STIM1: variants seen among roughly 807,000 people sequenced by gnomAD.
STIM1 encodes the protein stromal interaction molecule 1.
STIM1 carries 25 observed loss-of-function variants against 74.7 expected under a neutral mutation model. That is an observed-to-expected ratio of 0.33 (90% CI 0.24 to 0.47). The LOEUF (loss-of-function observed/expected upper bound fraction) is 0.47. Ranked by LOEUF, STIM1 falls within the 20% of genes least tolerant of loss-of-function variation. STIM1 has a pLI of 1.00. For synonymous variants in STIM1, 328 were observed against 348.8 expected (o/e 0.94, Z 0.66); for missense variants, 728 against 920.8 (o/e 0.79, Z 2.71).
intron 1 of STIM1, among the ~76,000 whole-genome samples, chr11:3,895,651 TTTC>T (rs2092058596): frequency 4.3e-4 from 5 of 11,734 alleles, no homozygotes; most frequent in South Asian, 0.015. Flanking sequence ...TCTTTCTTTC[TTTC>T]TTTCTTTCTT....
chr11:3,933,762 G>C (rs2092900280), intron 1 of STIM1, among the ~76,000 whole-genome samples: 1 of 152,188 alleles, frequency 6.6e-6, no homozygotes, highest in Non-Finnish European at 1.5e-5. Context: ...TATAATTGGA[G>C]TCATTTTTAA....
chr11:3,856,255 A>C lies in STIM1; in HGVS notation c.-16A>C. ...AGGTGTCCACATCAGACGCATGTTG[A>C]CTGAGACCTAGAGTCATGGATGTAT... On this transcript the variant is annotated 5_prime_UTR_variant, in exon 1 of 13. Coordinates refer to ENST00000526596, the MANE Select transcript of STIM1 (RefSeq NM_001382567.1). 6.2e-7 allele frequency: 1 copy of C among 1,613,914 alleles called. No homozygotes were observed. Among genetic ancestry groups the C allele is most frequent in the Non-Finnish European group, 8.5e-7 (1 of 1,180,004 alleles).
intron 10 of STIM1, 36 bp downstream of exon 10, chr11:4,083,534 C>G: frequency 6.3e-7 from 1 of 1,575,500 alleles, no homozygotes; most frequent in Non-Finnish European, 8.6e-7. Flanking sequence ...AGGAAGGAGC[C>G]TTTGATGTAC....
At chr11:4,080,240 T>C (rs770660752) in intron 7 of STIM1, among the ~76,000 whole-genome samples, 1 of 152,112 alleles carries the variant, frequency 6.6e-6, no homozygotes, top group South Asian at 2.1e-4. Flanking sequence ...AATGAGACCC[T>C]GTCTCAAAAT....
intron 1 of STIM1, among the ~76,000 whole-genome samples, chr11:3,865,261 A>G (rs1461116423): frequency 6.6e-6 from 1 of 152,230 alleles, no homozygotes; most frequent in Non-Finnish European, 1.5e-5. Context: ...TTTACATATC[A>G]GAAGAACAAA....
chr11:3,974,744 G>A (rs1035970722), intron 2 of STIM1, among the ~76,000 whole-genome samples: 2 of 152,000 alleles, frequency 1.3e-5, no homozygotes, highest in African/African-American at 4.8e-5. Context: ...GAGCTGGCAG[G>A]GAGTTCTACC....
chr11:4,089,616 G>T (rs951327244), intron 12 of STIM1, among the ~76,000 whole-genome samples: 4 of 152,214 alleles, frequency 2.6e-5, no homozygotes, highest in African/African-American at 9.7e-5. Context: ...AGTTGGAATT[G>T]TTCTCTGCTG....
upstream of STIM1, chr11:3,855,642 C>T (rs1755999848): frequency 6.8e-6 from 1 of 147,118 alleles, no homozygotes; most frequent in African/African-American, 2.5e-5. Context: ...CCGGGCCCGC[C>T]CCGCGCCGCC....
At chr11:4,059,845 C>A (rs984021470) in intron 5 of STIM1, among the ~76,000 whole-genome samples, 1 of 152,098 alleles carries the variant, frequency 6.6e-6, no homozygotes, top group South Asian at 2.1e-4. Flanking sequence ...ACAACCTGAG[C>A]AAGAGTACAA....
chr11:4,037,016 C>T (rs1388880366), intron 3 of STIM1, among the ~76,000 whole-genome samples: 1 of 151,980 alleles, frequency 6.6e-6, no homozygotes, highest in Non-Finnish European at 1.5e-5. Context: ...TATCAATTTT[C>T]CACCTACTTG....
At chr11:3,877,359 C>T (rs561915425) in intron 1 of STIM1, among the ~76,000 whole-genome samples, 1 of 152,232 alleles carries the variant, frequency 6.6e-6, no homozygotes, top group East Asian at 1.9e-4. Flanking sequence ...CATGGGAGGG[C>T]TGGCTCTTGT....
intron 5 of STIM1, among the ~76,000 whole-genome samples, chr11:4,064,106 G>C (rs552299585): frequency 1.3e-5 from 2 of 152,236 alleles, no homozygotes; most frequent in African/African-American, 4.8e-5. Flanking sequence ...GATAGAGCTG[G>C]GTATACTCTT....
rs1233296512 is a variant in STIM1, at chr11:3,971,863, T to C, written c.270+4181T>C. Among the ~76,000 whole-genome samples, 5 of 152,148 alleles carry C rather than the reference T, an allele frequency of 3.3e-5. 1 individual carries two copies. Among genetic ancestry groups the C allele is most frequent in the Admixed American group, 6.5e-5 (1 of 15,278 alleles). Reference sequence around the variant, plus strand: ...AAATGGAAACAGATAACTCCCTAAATGTTAACCGGCCCTGCTCTCCTAATA... The same window carrying C: ...AAATGGAAACAGATAACTCCCTAAACGTTAACCGGCCCTGCTCTCCTAATA... On this transcript the variant is annotated intron_variant, in intron 2 of 12. Transcript: ENST00000526596.
intron 1 of STIM1, among the ~76,000 whole-genome samples, chr11:3,928,996 A>T (rs2092825131): frequency 6.6e-6 from 1 of 151,968 alleles, no homozygotes; most frequent in Admixed American, 6.6e-5. Context: ...TCAGCCTCCC[A>T]AAAAGTAGCT....
intron 3 of STIM1, among the ~76,000 whole-genome samples, chr11:4,031,579 T>C (rs1234807881): frequency 2.0e-5 from 3 of 152,222 alleles, no homozygotes; most frequent in Non-Finnish European, 4.4e-5. Flanking sequence ...ATTTTAGCCA[T>C]TCTGATAGTA....
In STIM1 at chr11:3,890,169, C is replaced by T. The variant is rs182903238; in HGVS notation, c.139+33760C>T. On this transcript the variant is annotated intron_variant, in intron 1 of 12. Transcript: ENST00000526596. ...CTTAGATATCTGACCTAGGCCATCA[C>T]GCTTACCCTCTCTGGACCTTAGTGG... Among the ~76,000 whole-genome samples, 189 of 152,224 alleles carry T rather than the reference C, an allele frequency of 1.2e-3. No individual in the cohort carries two copies. The South Asian group carries it at 0.013, about 11-fold the overall frequency.
intron 2 of STIM1, among the ~76,000 whole-genome samples, chr11:3,971,233 A>G (rs1486147285): frequency 6.8e-6 from 1 of 146,274 alleles, no homozygotes; most frequent in Non-Finnish European, 1.5e-5. Context: ...ACAAGTATGA[A>G]AAAAAAAAAA....
chr11:3,913,307 C>A (rs1316587412), intron 1 of STIM1, among the ~76,000 whole-genome samples: 1 of 152,054 alleles, frequency 6.6e-6, no homozygotes, highest in Non-Finnish European at 1.5e-5. Context: ...CCTACCTCAG[C>A]CTCCTGAGTA....
intron 6 of STIM1, among the ~76,000 whole-genome samples, chr11:4,072,106 T>A (rs1293274931): frequency 6.6e-6 from 1 of 152,154 alleles, no homozygotes; most frequent in Admixed American, 6.5e-5. Flanking sequence ...GCAGGAGACA[T>A]TCCAAGTTTG....
Sources: allele counts gnomAD v4.1 joint callset (sites outside exome capture counted in the v4.1 genomes callset), GRCh38; gene constraint gnomAD v4.1.1; transcripts MANE v1.5; gene names NCBI Gene and HGNC (gene_info 2026-07-23, HGNC 2026-07-21).